The following EYS variants were observed in gnomAD, a reference collection of about 807,000 sequenced individuals.
EYS encodes EGF-like photoreceptor maintenance factor, also known as protein eyes shut homolog.
EYS carries 250 observed loss-of-function variants against 282.1 expected under a neutral mutation model. That is an observed-to-expected ratio of 0.89 (90% CI 0.80 to 0.98). The LOEUF (loss-of-function observed/expected upper bound fraction) is 0.98, where lower values mean the gene tolerates loss of function less well. Ranked by LOEUF, EYS falls within the 50% of genes least tolerant of loss-of-function variation. EYS has a pLI of 0.00. For synonymous variants in EYS, 1,355 were observed against 1,282.9 expected, an observed-to-expected ratio of 1.06 and a Z score of -1.20; for missense variants, 4,016 against 3,709.0, an observed-to-expected ratio of 1.08 and a Z score of -2.15.
intron 40 of EYS, among the ~76,000 whole-genome samples, chr6:63,765,868 T>C (rs1769776595): frequency 6.6e-6 from 1 of 151,992 alleles, no homozygotes; most frequent in Non-Finnish European, 1.5e-5. Context: ...TTTTGATTTT[T>C]AGAACCCACA....
Position 64,297,951 on chromosome 6 carries a change from C to A in EYS, c.6191+9019G>T, listed in dbSNP as rs1421284815. ...CAAGATAGTGCCACTGCACTCCAGCCTTGGCAACAGAGCAAGATTCTGTCT... is the reference window on the plus strand; with the variant it reads ...CAAGATAGTGCCACTGCACTCCAGCATTGGCAACAGAGCAAGATTCTGTCT... On this transcript the variant is annotated intron_variant, in intron 30 of 42. Transcript: ENST00000503581. Among the ~76,000 whole-genome samples the A allele has an allele frequency of 9.0e-5, 13 of 144,826 alleles. No homozygotes were observed. The Admixed American group carries it at 9.1e-4, about 10-fold the overall frequency.
chr6:65,214,964 G>T (rs1321742876), intron 12 of EYS, among the ~76,000 whole-genome samples: 2 of 151,888 alleles, frequency 1.3e-5, no homozygotes, highest in Non-Finnish European at 2.9e-5. Context: ...GAGAACTGCT[G>T]GTGAGAAAAA....
chr6:64,738,205 A>C (rs2149958421), intron 22 of EYS, among the ~76,000 whole-genome samples: 1 of 152,298 alleles, frequency 6.6e-6, no homozygotes, highest in Admixed American at 6.5e-5. Context: ...TTGTTGGGTC[A>C]TGAAAGGGCT....
intron 14 of EYS, among the ~76,000 whole-genome samples, chr6:64,979,180 G>T (rs1047623324): frequency 4.6e-5 from 7 of 151,602 alleles, no homozygotes; most frequent in South Asian, 2.1e-4. Context: ...TGTATGACTC[G>T]CTTTATTGCT....
At chr6:64,420,924 C>T (rs1774211270) in intron 28 of EYS, among the ~76,000 whole-genome samples, 2 of 152,192 alleles carry the variant, frequency 1.3e-5, no homozygotes, top group African/African-American at 4.8e-5. Context: ...AACTTTCCCA[C>T]ATTTTTCTTT....
At chr6:65,141,320 C>G (rs1450609663) in intron 12 of EYS, among the ~76,000 whole-genome samples, 4 of 151,878 alleles carry the variant, frequency 2.6e-5, no homozygotes, top group Non-Finnish European at 5.9e-5. Flanking sequence ...GGAAGGGGAA[C>G]ATCACATTCT....
chr6:64,641,202 G>A (rs1768137702), intron 22 of EYS, among the ~76,000 whole-genome samples: 2 of 152,152 alleles, frequency 1.3e-5, no homozygotes, highest in Non-Finnish European at 1.5e-5. Context: ...AGAAGGCAAG[G>A]AGGAGCAAGT....
At chr6:63,747,371 C>T (rs775409388) in intron 41 of EYS, among the ~76,000 whole-genome samples, 12 of 152,062 alleles carry the variant, frequency 7.9e-5, no homozygotes, top group Non-Finnish European at 1.3e-4. Context: ...TCCAATTATG[C>T]GGTCAATTTT....
intron 30 of EYS, among the ~76,000 whole-genome samples, chr6:64,240,698 C>G (rs1013268710): frequency 6.6e-6 from 1 of 152,148 alleles, no homozygotes. Flanking sequence ...CATCTGCAAA[C>G]AGAGACAATT....
intron 26 of EYS, among the ~76,000 whole-genome samples, chr6:64,555,928 AAAT>A (rs1765219729): frequency 6.6e-6 from 1 of 151,974 alleles, no homozygotes; most frequent in African/African-American, 2.4e-5. Context: ...GTAAAATCTA[AAAT>A]AATACTGAAA....
In EYS at chr6:63,881,525, G is replaced by A. The variant is rs574404705; in HGVS notation, c.7056-17167C>T. On this transcript the variant is annotated intron_variant, in intron 35 of 42. Transcript: ENST00000503581. ...GGTAACTAATATATATAAATTATGA[G>A]TTATTGCAAACTCCAGTTCCGAATT... 2.0e-5 allele frequency among the ~76,000 whole-genome samples: 3 copies of A among 152,196 alleles called. No homozygotes were observed. In the South Asian group the frequency reaches 6.2e-4, roughly 32 times the overall value.
intron 35 of EYS, among the ~76,000 whole-genome samples, chr6:63,901,765 C>T (rs976468726): frequency 1.3e-5 from 2 of 151,160 alleles, no homozygotes; most frequent in African/African-American, 4.8e-5. Context: ...TGAACTATTT[C>T]AAATTTTGGA....
rs115791745 is a variant in EYS at position 64,288,009 on chromosome 6, C to A, written c.6191+18961G>T. 7.2e-3 allele frequency among the ~76,000 whole-genome samples: 1,102 copies of A among 152,154 alleles called. 11 individuals carry two copies. Among genetic ancestry groups the A allele is most frequent in the African/African-American group, 0.025 (1,041 of 41,514 alleles). On this transcript the variant is annotated intron_variant, in intron 30 of 42. Coordinates refer to ENST00000503581, the MANE Select transcript of EYS (RefSeq NM_001142800.2). The stretch of plus-strand genomic sequence containing the variant: ...TACAAAACACTACAAGTAAATGAAA[C>A]CCCTGTGAAGAACATTACTGTCACT...
chr6:64,333,672 A>T (rs1263299026), intron 29 of EYS, among the ~76,000 whole-genome samples: 1 of 152,188 alleles, frequency 6.6e-6, no homozygotes, highest in Non-Finnish European at 1.5e-5. Flanking sequence ...AGGACTTGGT[A>T]TTCCTCTGGT....
Position 64,053,926 on chromosome 6 carries a change from A to G in EYS, c.6725+12412T>C, listed in dbSNP as rs115066315. Among the ~76,000 whole-genome samples, 620 of 152,306 alleles carry G rather than the reference A, an allele frequency of 4.1e-3. 3 individuals carry two copies. Among genetic ancestry groups the G allele is most frequent in the Non-Finnish European group, 7.3e-3 (499 of 68,024 alleles). ...CCTACTGCAAATAATCTCTCTATAAAGCTAAATTTCCATGGCCTTTACATA... is the reference window on the plus strand; with the variant it reads ...CCTACTGCAAATAATCTCTCTATAAGGCTAAATTTCCATGGCCTTTACATA... On this transcript the variant is annotated intron_variant, in intron 33 of 42. Coordinates refer to ENST00000503581, the MANE Select transcript of EYS (RefSeq NM_001142800.2).
chr6:64,620,076 T>C (rs1238787278), intron 23 of EYS, among the ~76,000 whole-genome samples: 1 of 151,994 alleles, frequency 6.6e-6, no homozygotes, highest in Non-Finnish European at 1.5e-5. Context: ...CAGAAATCAC[T>C]CTAGTTATTT....
At chr6:65,649,386 CACAT>C in intron 1 of EYS, among the ~76,000 whole-genome samples, 1 of 152,058 alleles carries the variant, frequency 6.6e-6, no homozygotes, top group Non-Finnish European at 1.5e-5. Flanking sequence ...CACACACACA[CACAT>C]ACACACATCC....
chr6:65,005,996 A>G (rs1051730709), intron 13 of EYS, among the ~76,000 whole-genome samples: 1 of 151,954 alleles, frequency 6.6e-6, no homozygotes, highest in African/African-American at 2.4e-5. Context: ...TCAGACTTTC[A>G]TTTCTTCTAG....
chr6:64,242,693 C>G (rs2150344098), intron 30 of EYS, among the ~76,000 whole-genome samples: 1 of 151,736 alleles, frequency 6.6e-6, no homozygotes, highest in Admixed American at 6.6e-5. Flanking sequence ...CATGTGTGTT[C>G]TAGCTACATC....
Sources: allele counts gnomAD v4.1 joint callset (sites outside exome capture counted in the v4.1 genomes callset), GRCh38; gene constraint gnomAD v4.1.1; transcripts MANE v1.5; gene names NCBI Gene and HGNC (gene_info 2026-07-23, HGNC 2026-07-21).